CDKL2: variants seen among roughly 807,000 people sequenced by gnomAD.
CDKL2 encodes the protein cyclin-dependent kinase-like 2.
A neutral mutation model predicts 63.9 loss-of-function variants in CDKL2; 64 were observed. The ratio of observed to expected loss-of-function variants is 1.00; its 90% CI spans 0.82 to 1.23. The LOEUF (loss-of-function observed/expected upper bound fraction) is 1.23, where lower values mean the gene tolerates loss of function less well. Among genes scored for constraint, CDKL2 ranks in the 50% most tolerant of loss-of-function variants. CDKL2 has a pLI of 0.00. For synonymous variants in CDKL2, 211 were observed against 229.2 expected (o/e 0.92, Z 0.72); for missense variants, 656 against 668.0 (o/e 0.98, Z 0.20).
In CDKL2 at chr4:75,578,053, A is replaced by G. The variant is rs1728099657; in HGVS notation, c.*1149T>C. 6.6e-6 allele frequency: 1 copy of G among 152,064 alleles called. No individual in the cohort carries two copies. The highest frequency in any genetic ancestry group is 2.4e-5 in the African/African-American group (1 of 41,428). The allele number at this position is 152,064 out of a possible 1,614,324, so 9.4% of individuals were successfully genotyped here. A position where few individuals can be genotyped will look rare whatever the true frequency, so the allele number is the denominator to read the frequency against. ...CCCTAAACAACCATTCTCTAAAATG[A>G]TAAATGCAGAGCATGTGTAGAAACC... On this transcript the variant is annotated 3_prime_UTR_variant, in exon 14 of 14. Transcript: ENST00000307465.
At chr4:75,609,820 G>A (rs1027513300) in intron 3 of CDKL2, among the ~76,000 whole-genome samples, 2 of 151,910 alleles carry the variant, frequency 1.3e-5, no homozygotes, top group African/African-American at 4.8e-5. Flanking sequence ...CCATTGCTGA[G>A]CACGTTGTAT....
chr4:75,593,895 A>C (rs1322258505), intron 10 of CDKL2, among the ~76,000 whole-genome samples: 3 of 152,114 alleles, frequency 2.0e-5, no homozygotes, highest in African/African-American at 7.2e-5. Flanking sequence ...CACACAAGGA[A>C]TATTCCTTTG....
intron 4 of CDKL2, among the ~76,000 whole-genome samples, chr4:75,606,654 T>C (rs1250628383): frequency 1.3e-5 from 2 of 152,180 alleles, no homozygotes; most frequent in African/African-American, 2.4e-5. Context: ...AATTATAACA[T>C]GGTAGCAAAA....
chr4:75,588,322 C>G (rs868303637), intron 12 of CDKL2, among the ~76,000 whole-genome samples: 1 of 151,948 alleles, frequency 6.6e-6, no homozygotes, highest in Non-Finnish European at 1.5e-5. Flanking sequence ...ATAACACCAA[C>G]TTATTAAACT....
chr4:75,596,216 G>T, intron 10 of CDKL2, 31 bp downstream of exon 10: 1 of 1,246,026 alleles, frequency 8.0e-7, no homozygotes, highest in Non-Finnish European at 1.2e-6. Context: ...ACTGGTGTTT[G>T]CTCTTCTACT....
At chr4:75,580,377 T>C (rs1421632831) in intron 13 of CDKL2, among the ~76,000 whole-genome samples, 2 of 152,150 alleles carry the variant, frequency 1.3e-5, no homozygotes, top group East Asian at 3.9e-4. Context: ...TTCAAAATGG[T>C]CTGATTGGCC....
intron 2 of CDKL2, among the ~76,000 whole-genome samples, chr4:75,615,736 T>C (rs184073806): frequency 6.6e-6 from 1 of 152,352 alleles, no homozygotes; most frequent in East Asian, 1.9e-4. Context: ...CTCACACCTG[T>C]AATCCCAGTG....
chr4:75,592,038 A>T (rs1283444396), intron 11 of CDKL2, 108 bp downstream of exon 11: 5 of 1,304,098 alleles, frequency 3.8e-6, no homozygotes, highest in Non-Finnish European at 4.1e-6. Flanking sequence ...AGGTATTTAC[A>T]TACTTAAATA....
chr4:75,617,267 C>A, intron 2 of CDKL2, among the ~76,000 whole-genome samples: 1 of 151,776 alleles, frequency 6.6e-6, no homozygotes, highest in Admixed American at 6.6e-5. Flanking sequence ...GTAAAAGAAG[C>A]GTTGCCAAGA....
At position 75,600,314 on chromosome 4, in the gene CDKL2, T is replaced by A; in HGVS notation, c.851A>T (p.His284Leu). ...AAATCCATCCATTTGAAAGAAATCA[T>A]GGTGTAGGAGCTCAGCACAGAAGGG... ...KRPFCAELLHHDFFQMDGFAE... is the reference protein window; with the variant it reads ...KRPFCAELLHLDFFQMDGFAE... Residue 284 changes from histidine (H) to leucine (L), a missense_variant, in exon 7 of 14, where the codon CAT (histidine) becomes CTT (leucine). His to Leu is a moderately conservative substitution (Grantham distance 99). Coordinates refer to ENST00000307465, the MANE Select transcript of CDKL2 (RefSeq NM_001330724.2). 6.2e-7 allele frequency: 1 copy of A among 1,613,658 alleles called. No individual in the cohort carries two copies. The highest frequency in any genetic ancestry group is 8.5e-7 in the Non-Finnish European group (1 of 1,179,676).
chr4:75,614,547 TCTC>T (rs1265743645), intron 2 of CDKL2, 98 bp from the exon 3 acceptor site: 1 of 730,646 alleles, frequency 1.4e-6, no homozygotes, highest in Non-Finnish European at 2.2e-6. Context: ...TTAAAATAGA[TCTC>T]AGCGTAAGAA....
chr4:75,580,547 G>T (rs1034108595), intron 13 of CDKL2, among the ~76,000 whole-genome samples: 1 of 149,886 alleles, frequency 6.7e-6, no homozygotes, highest in Non-Finnish European at 1.5e-5. Context: ...CACACGTGTG[G>T]CCCCAGCTAC....
At chr4:75,614,526 C>A in intron 2 of CDKL2, 77 bp from the exon 3 acceptor site, 3 of 848,162 alleles carry the variant, frequency 3.5e-6, no homozygotes, top group Non-Finnish European at 5.4e-6. Context: ...AAATTATTAG[C>A]AATTAATTAT....
At chr4:75,592,745 A>G (rs559206444) in intron 10 of CDKL2, among the ~76,000 whole-genome samples, 4 of 152,308 alleles carry the variant, frequency 2.6e-5, no homozygotes, top group Non-Finnish European at 4.4e-5. Context: ...ATTTTTCTAT[A>G]TATGTCCTTG....
chr4:75,616,378 A>G (rs962021127), intron 2 of CDKL2, among the ~76,000 whole-genome samples: 3 of 151,904 alleles, frequency 2.0e-5, no homozygotes, highest in Non-Finnish European at 4.4e-5. Flanking sequence ...TAAGGAATTC[A>G]GGGGCCGGGC....
intron 6 of CDKL2, 146 bp from the exon 7 acceptor site, chr4:75,600,515 T>C (rs1729140764): frequency 1.6e-6 from 1 of 621,276 alleles, no homozygotes; most frequent in Non-Finnish European, 2.9e-6. Context: ...TAGAGTGCAG[T>C]GGTGTGATCA....
At position 75,596,356 on chromosome 4, in the gene CDKL2, A is replaced by C. The variant is rs781419932; in HGVS notation, c.1323-16T>G. ...CTCATCCACTCTGTAACGACAAAAA[A>C]AAATGTTTTTAAGTTAGAACCAGCA... is the stretch of plus-strand genomic sequence containing the variant. On this transcript the variant is annotated splice_polypyrimidine_tract_variant and intron_variant, in intron 9 of 13. Coordinates refer to ENST00000307465, the MANE Select transcript of CDKL2 (RefSeq NM_001330724.2). 1 of 1,544,838 alleles carries C rather than the reference A, an allele frequency of 6.5e-7. No homozygotes were observed. The highest frequency in any genetic ancestry group is 8.9e-7 in the Non-Finnish European group (1 of 1,118,498).
chr4:75,580,427 A>G (rs889781597), intron 13 of CDKL2, among the ~76,000 whole-genome samples: 3 of 152,216 alleles, frequency 2.0e-5, no homozygotes, highest in African/African-American at 7.2e-5. Flanking sequence ...GCACTTAGGG[A>G]GGCCAAGACG....
intron 12 of CDKL2, among the ~76,000 whole-genome samples, chr4:75,585,317 C>T (rs1323350642): frequency 6.6e-6 from 1 of 152,136 alleles, no homozygotes; most frequent in Non-Finnish European, 1.5e-5. Flanking sequence ...TGGCTCACTC[C>T]TGTAATCCCA....
Sources: gnomAD v4.1 joint callset for allele counts (sites outside exome capture counted in the v4.1 genomes callset) on GRCh38, gnomAD v4.1.1 for gene constraint, MANE v1.5 for transcripts, NCBI Gene and HGNC (gene_info 2026-07-23, HGNC 2026-07-21) for gene names.